The following TRABD2B variants were observed in gnomAD, a reference collection of about 807,000 sequenced individuals.
The protein encoded by TRABD2B is metalloprotease TIKI2.
TRABD2B carries 14 observed loss-of-function variants against 40.1 expected under a neutral mutation model. That is an observed-to-expected ratio of 0.35 (90% CI 0.23 to 0.55). The LOEUF is 0.55. Among genes scored for constraint, TRABD2B ranks in the 20% least tolerant of loss-of-function variants. The pLI is 0.90. For synonymous variants in TRABD2B, 263 were observed against 277.0 expected, an observed-to-expected ratio of 0.95 and a Z score of 0.50; for missense variants, 541 against 648.6, an observed-to-expected ratio of 0.83 and a Z score of 1.80.
chr1:47,987,668 G>C (rs1444532219), intron 2 of TRABD2B, among the ~76,000 whole-genome samples: 2 of 152,168 alleles, frequency 1.3e-5, no homozygotes, highest in African/African-American at 4.8e-5. Context: ...GACAGAGCTC[G>C]CCATGCCTGC....
chr1:47,840,537 C>T (rs1327573625), intron 2 of TRABD2B, among the ~76,000 whole-genome samples: 1 of 152,222 alleles, frequency 6.6e-6, no homozygotes, highest in Non-Finnish European at 1.5e-5. Context: ...ATGTTGGCAA[C>T]AGAGTTTGGC....
intron 2 of TRABD2B, among the ~76,000 whole-genome samples, chr1:47,896,311 G>C (rs1309754330): frequency 3.3e-5 from 5 of 152,176 alleles, no homozygotes; most frequent in African/African-American, 1.2e-4. Context: ...GGGTTACAGA[G>C]AGAAGGGTGG....
chr1:47,860,574 T>C (rs1237442015), intron 2 of TRABD2B, among the ~76,000 whole-genome samples: 1 of 152,192 alleles, frequency 6.6e-6, no homozygotes, highest in Non-Finnish European at 1.5e-5. Context: ...ATGACTTTTC[T>C]CCTCTGGGCC....
chr1:47,816,517 C>T (rs1478113137), intron 2 of TRABD2B, among the ~76,000 whole-genome samples: 1 of 152,164 alleles, frequency 6.6e-6, no homozygotes, highest in African/African-American at 2.4e-5. Context: ...TTTCCTGCTT[C>T]AGGACCTTTG....
chr1:47,822,203 C>T (rs1645120936), intron 2 of TRABD2B, among the ~76,000 whole-genome samples: 3 of 152,076 alleles, frequency 2.0e-5, no homozygotes, highest in Non-Finnish European at 4.4e-5. Context: ...AGATTCAGCT[C>T]ACCCCCGAGG....
chr1:47,988,578 A>C (rs2148455174), intron 2 of TRABD2B, among the ~76,000 whole-genome samples: 1 of 152,252 alleles, frequency 6.6e-6, no homozygotes, highest in African/African-American at 2.4e-5. Flanking sequence ...CAGCAGGATC[A>C]CCCACTGGAA....
At position 47,952,375 on chromosome 1, in the gene TRABD2B, T is replaced by C. The variant is rs543481338; in HGVS notation, c.666+41659A>G. On this transcript the variant is annotated intron_variant, in intron 2 of 6. Transcript: ENST00000606738. ...TTACAGCCTCTGCTGCCCATTCTGATAGCTGGGCTCCACTAAGACCCTGAG... is the reference window on the plus strand; with the variant it reads ...TTACAGCCTCTGCTGCCCATTCTGACAGCTGGGCTCCACTAAGACCCTGAG... 9.8e-5 allele frequency among the ~76,000 whole-genome samples: 15 copies of C among 152,286 alleles called. No homozygotes were observed. In the East Asian group the frequency reaches 2.9e-3, roughly 29 times the overall value.
At chr1:47,825,252 CCAT>C (rs1296273316) in intron 2 of TRABD2B, among the ~76,000 whole-genome samples, 1 of 152,204 alleles carries the variant, frequency 6.6e-6, no homozygotes, top group East Asian at 1.9e-4. Flanking sequence ...AAGTCAAAGT[CCAT>C]CATGAGCCCT....
intron 2 of TRABD2B, among the ~76,000 whole-genome samples, chr1:47,938,292 C>T (rs1025198886): frequency 3.3e-5 from 5 of 152,220 alleles, no homozygotes; most frequent in Non-Finnish European, 7.3e-5. Flanking sequence ...AGAGGCCAAG[C>T]AAGAGTAAAC....
In TRABD2B at chr1:47,794,747, A is replaced by G. The variant is rs1430216784; in HGVS notation, c.827T>C (p.Ile276Thr). 6.6e-7 allele frequency: 1 copy of G among 1,525,424 alleles called. No individual in the cohort carries two copies. Among genetic ancestry groups the G allele is most frequent in the African/African-American group, 1.4e-5 (1 of 71,906 alleles). The allele number at this position is 1,525,424 out of a possible 1,614,324, so 94.5% of individuals were successfully genotyped here. A position where few individuals can be genotyped will look rare whatever the true frequency, so the allele number is the denominator to read the frequency against. ...CTCGTGTGGCGGGAGGGTGGTGTTGATAAAGTTGGGCAGCTGCAAAGGCAA... is the reference window on the plus strand; with the variant it reads ...CTCGTGTGGCGGGAGGGTGGTGTTGGTAAAGTTGGGCAGCTGCAAAGGCAA... ...NHDTSQLPNFINTTLPPHEQV... is the reference protein window; with the variant it reads ...NHDTSQLPNFTNTTLPPHEQV... The change falls in exon 4 of 7, where the codon ATC (isoleucine) becomes ACC (threonine). Residue 276 changes from isoleucine to threonine, a missense_variant. Physicochemically the swap from Ile to Thr is moderately conservative, Grantham distance 89 (BLOSUM62 -1). Around this residue, in one of 2 missense-constraint regions of TRABD2B, gnomAD observed 369 missense variants for 492.8 expected, o/e 0.75. Transcript: ENST00000606738.
chr1:47,971,567 C>T (rs1645682816), intron 2 of TRABD2B, among the ~76,000 whole-genome samples: 1 of 152,206 alleles, frequency 6.6e-6, no homozygotes, highest in Non-Finnish European at 1.5e-5. Context: ...ACTCCCTACA[C>T]TCAGATACCA....
At position 47,950,736 on chromosome 1, in the gene TRABD2B, T is replaced by C. The variant is rs140216569; in HGVS notation, c.666+43298A>G. Among the ~76,000 whole-genome samples the C allele has an allele frequency of 8.4e-3, 1,273 of 152,348 alleles. 15 individuals carry two copies. Among genetic ancestry groups the C allele is most frequent in the Middle Eastern group, 0.034 (10 of 294 alleles). ...TCAGCCTCTGCTGATTCACTCGTCT[T>C]TGCCTCTACCAGAGTGGTGGAAAAA... On this transcript the variant is annotated intron_variant, in intron 2 of 6. Transcript: ENST00000606738.
At chr1:47,909,767 T>C (rs1312684845) in intron 2 of TRABD2B, among the ~76,000 whole-genome samples, 385 of 49,328 alleles carry the variant, frequency 7.8e-3, no homozygotes, top group Admixed American at 0.011. Context: ...CCTCCCTCCC[T>C]TCCCCTCCCC....
chr1:47,894,323 T>A (rs1477949306), intron 2 of TRABD2B, among the ~76,000 whole-genome samples: 8 of 152,198 alleles, frequency 5.3e-5, no homozygotes, highest in Admixed American at 5.2e-4. Context: ...TGGTACTTGG[T>A]TACTGAGTTT....
In TRABD2B at chr1:47,994,574, C is replaced by T; in HGVS notation, c.126G>A (p.Leu42=). Residue 42 remains leucine (L), a synonymous_variant, in exon 2 of 7, where the codon CTG becomes CTA. Transcript: ENST00000606738. This position sits in a 1 kb window ranked among gnomAD's most constrained non-coding sequence, Gnocchi z 6.7. ...CCGGAGGATCACGCCGAATCGTCCA[C>T]AGGAAGGAGTTCAAGTCCCTCTGCT... ...PGSQRDLNSF[L]WTIRRDPPAY... is the part of the protein sequence containing the mutation. 6.5e-7 allele frequency: 1 copy of T among 1,535,614 alleles called. No homozygotes were observed. The highest frequency in any genetic ancestry group is 8.7e-7 in the Non-Finnish European group (1 of 1,146,730).
chr1:47,827,425 C>T (rs979776036), intron 2 of TRABD2B, among the ~76,000 whole-genome samples: 1 of 152,244 alleles, frequency 6.6e-6, no homozygotes, highest in Non-Finnish European at 1.5e-5. Context: ...TCTCTCTGCT[C>T]TGCATGCAGG....
At chr1:47,839,375 C>T (rs1352308017) in intron 2 of TRABD2B, among the ~76,000 whole-genome samples, 1 of 152,146 alleles carries the variant, frequency 6.6e-6, no homozygotes, top group East Asian at 1.9e-4. Flanking sequence ...CACACACACT[C>T]ACCCACACAG....
chr1:47,785,688 G>T (rs1365213127), intron 4 of TRABD2B, among the ~76,000 whole-genome samples: 2 of 152,262 alleles, frequency 1.3e-5, no homozygotes, highest in Non-Finnish European at 2.9e-5. Flanking sequence ...CATGCAGGCT[G>T]ATTCCAGGTC....
intron 2 of TRABD2B, among the ~76,000 whole-genome samples, chr1:47,983,534 T>C (rs1007094753): frequency 6.6e-6 from 1 of 152,048 alleles, no homozygotes; most frequent in African/African-American, 2.4e-5. Context: ...CAAGCATTGT[T>C]ATCACCGAAG....
Sources: gnomAD v4.1 joint callset for allele counts (sites outside exome capture counted in the v4.1 genomes callset) on GRCh38, gnomAD v4.1.1 for gene constraint, gnomAD v4.1.1 regional missense constraint, Gnocchi (gnomAD v3.1) non-coding constraint, MANE v1.5 for transcripts, NCBI Gene and HGNC (gene_info 2026-07-23, HGNC 2026-07-21) for gene names.